Variants in OLAH observed in about 807,000 individuals in gnomAD.
OLAH encodes S-acyl fatty acid synthase thioesterase, medium chain.
OLAH carries 33 observed loss-of-function variants against 27.8 expected under a neutral mutation model. The observed-to-expected ratio is 1.19, with a 90% CI of 0.90 to 1.59. The LOEUF is 1.59. OLAH is among the 40% of genes most tolerant of loss of function. The pLI, the probability that OLAH is intolerant of heterozygous loss-of-function variation, is 0.00. For missense variants in OLAH, 359 were observed against 310.8 expected (o/e 1.16, Z -1.17); for synonymous variants, 120 against 102.9 (o/e 1.17, Z -1.01).
At chr10:15,039,309 G>A (rs1233696982), upstream of OLAH, among the ~76,000 whole-genome samples, 3 of 152,140 alleles carry the variant, frequency 2.0e-5, no homozygotes, top group Non-Finnish European at 4.4e-5. Context: ...TGGGTGCCAT[G>A]GCTCATGCCT....
intron 1 of OLAH, among the ~76,000 whole-genome samples, chr10:15,046,899 T>C (rs1009475116): frequency 6.6e-6 from 1 of 152,200 alleles, no homozygotes; most frequent in African/African-American, 2.4e-5. Context: ...TCTGGAAATG[T>C]TGCATCTTTG....
Position 15,072,294 on chromosome 10 carries a change from G to A in OLAH, c.655+417G>A, listed in dbSNP as rs569908488. 1.1e-3 allele frequency among the ~76,000 whole-genome samples: 170 copies of A among 151,894 alleles called. 1 individual carries two copies. The Middle Eastern group carries it at 0.027, about 24-fold the overall frequency. On this transcript the variant is annotated intron_variant, in intron 7 of 7. Transcript: ENST00000378228. ...ATAGTAGGTGTATATATTTACGTTC[G>A]ATGATTTTTGACCAATGTCAACTAG...
upstream of OLAH, among the ~76,000 whole-genome samples, chr10:15,040,376 G>C (rs888323886): frequency 6.6e-6 from 1 of 152,160 alleles, no homozygotes; most frequent in Non-Finnish European, 1.5e-5. Context: ...GAAAGATACA[G>C]ATTTCAGTCA....
intron 6 of OLAH, 178 bp from the exon 7 acceptor site, chr10:15,071,617 C>G (rs1564536478): frequency 1.0e-6 from 1 of 984,612 alleles, no homozygotes; most frequent in African/African-American, 1.7e-5. Context: ...AGTCTCCACA[C>G]TGAGTCTCAG....
chr10:15,073,678 AAT>A lies in OLAH; in HGVS notation c.*451_*452del, dbSNP rs1282302767. On this transcript the variant is annotated 3_prime_UTR_variant, in exon 8 of 8. Coordinates refer to ENST00000378228, the MANE Select transcript of OLAH (RefSeq NM_001039702.3). ...CTGTCTCAAAAAAAAAAAAAAAAAA[AAT>A]ACTTCTGGCAGAGTCTTTTATCTTC... is the stretch of plus-strand genomic sequence containing the variant. 4.1e-5 allele frequency: 6 copies of A among 147,792 alleles called. No individual in the cohort carries two copies. The highest frequency in any genetic ancestry group is 7.5e-5 in the Non-Finnish European group (5 of 66,684). The allele number at this position is 147,792 out of a possible 1,614,324, so 9.2% of individuals were successfully genotyped here.
chr10:15,059,616 G>C (rs1564531771), intron 3 of OLAH, among the ~76,000 whole-genome samples: 1 of 152,088 alleles, frequency 6.6e-6, no homozygotes, highest in African/African-American at 2.4e-5. Context: ...GACCAGCCTG[G>C]CCAACATGGT....
chr10:15,060,288 G>A (rs12768280), intron 3 of OLAH, among the ~76,000 whole-genome samples: 10,843 of 151,998 alleles, frequency 0.071, 420 homozygotes, highest in Middle Eastern at 0.14. Flanking sequence ...TCCTGCTTCC[G>A]CCTCCCAACT....
intron 6 of OLAH, chr10:15,067,908 T>A (rs1253187070): frequency 6.6e-6 from 1 of 152,284 alleles, no homozygotes; most frequent in Non-Finnish European, 1.5e-5. Flanking sequence ...TCATATAATC[T>A]GTCCTCCTCT....
intron 1 of OLAH, among the ~76,000 whole-genome samples, chr10:15,034,650 G>A (rs191575814): frequency 2.0e-5 from 3 of 152,258 alleles, no homozygotes; most frequent in African/African-American, 7.2e-5. Flanking sequence ...TGTTCTTGCA[G>A]GTGTGCTCTG....
intron 4 of OLAH, 47 bp downstream of exon 4, chr10:15,061,909 T>C (rs1321331480): frequency 5.7e-6 from 9 of 1,579,508 alleles, no homozygotes; most frequent in Non-Finnish European, 6.0e-6. Context: ...TTCTTCTATC[T>C]GAAGTTTGAG....
In OLAH at chr10:15,071,829, G is replaced by A. The variant is rs1844593157; in HGVS notation, c.607G>A (p.Asp203Asn). Residue 203 changes from aspartate (D) to asparagine (N), a missense_variant, in exon 7 of 8, where the codon GAC (aspartate) becomes AAC (asparagine). By Grantham distance (23) the Asp-to-Asn change is conservative. Coordinates refer to ENST00000378228, the MANE Select transcript of OLAH (RefSeq NM_001039702.3). ...NVPSKAVLSCDLTCFVGSEDI... is the reference protein window; with the variant it reads ...NVPSKAVLSCNLTCFVGSEDI... ...ACCATCTAAGGCTGTTCTTTCCTGT[G>A]ACTTGACATGTTTTGTTGGATCTGA... The A allele has an allele frequency of 6.2e-7, 1 of 1,613,656 alleles. No homozygotes were observed. The highest frequency in any genetic ancestry group is 8.5e-7 in the Non-Finnish European group (1 of 1,179,676).
upstream of OLAH, among the ~76,000 whole-genome samples, chr10:15,041,448 T>A (rs10906813): frequency 0.26 from 39,865 of 151,514 alleles, 5,774 homozygotes; most frequent in East Asian, 0.48. Context: ...CTGCCTAATT[T>A]CATATTTTTA....
intron 1 of OLAH, among the ~76,000 whole-genome samples, chr10:15,038,850 G>A (rs907251675): frequency 2.0e-5 from 3 of 152,184 alleles, no homozygotes; most frequent in African/African-American, 7.2e-5. Flanking sequence ...TAGGTTCCAA[G>A]AGCATGGATC....
chr10:15,057,813 A>T (rs1301534917), intron 3 of OLAH, among the ~76,000 whole-genome samples: 1 of 152,172 alleles, frequency 6.6e-6, no homozygotes, highest in East Asian at 1.9e-4. Context: ...ATGGAAAAAA[A>T]TGAGTATCTG....
chr10:15,066,072 C>A (rs141939988), intron 6 of OLAH, among the ~76,000 whole-genome samples: 3,518 of 152,190 alleles, frequency 0.023, 129 homozygotes, highest in African/African-American at 0.08. Context: ...AAAACCCCAT[C>A]TCTACCAAAA....
upstream of OLAH, among the ~76,000 whole-genome samples, chr10:15,040,940 TC>T (rs1843909682): frequency 6.6e-6 from 1 of 152,296 alleles, no homozygotes; most frequent in South Asian, 2.1e-4. Context: ...AAGCACTGTC[TC>T]CCTACCTCAA....
chr10:15,055,664 A>C (rs557432300), intron 3 of OLAH, among the ~76,000 whole-genome samples: 1 of 152,190 alleles, frequency 6.6e-6, no homozygotes, highest in Non-Finnish European at 1.5e-5. Context: ...AAAGGCCACT[A>C]CTTTAAACAA....
intron 6 of OLAH, among the ~76,000 whole-genome samples, chr10:15,067,075 G>C (rs538746330): frequency 1.2e-4 from 19 of 152,066 alleles, no homozygotes; most frequent in African/African-American, 4.3e-4. Context: ...ATGTTAATTC[G>C]CTTGACTTAA....
intron 3 of OLAH, among the ~76,000 whole-genome samples, chr10:15,055,496 A>C (rs1396705139): frequency 6.6e-6 from 1 of 152,326 alleles, no homozygotes; most frequent in South Asian, 2.1e-4. Flanking sequence ...TCCTTTCTAC[A>C]TGCTGGTAGC....
Sources: allele counts gnomAD v4.1 joint callset (sites outside exome capture counted in the v4.1 genomes callset), GRCh38; gene constraint gnomAD v4.1.1; transcripts MANE v1.5; gene names NCBI Gene and HGNC (gene_info 2026-07-23, HGNC 2026-07-21).